Variants in TTC39B observed in about 807,000 individuals in gnomAD.
TTC39B encodes tetratricopeptide repeat protein 39B.
TTC39B carries 92 observed loss-of-function variants against 96.6 expected under a neutral mutation model. That is an observed-to-expected ratio of 0.95 (90% CI 0.80 to 1.13). The LOEUF (loss-of-function observed/expected upper bound fraction) is 1.13. Among genes scored for constraint, TTC39B ranks in the 50% most tolerant of loss-of-function variants. TTC39B has a pLI of 0.00. For missense variants in TTC39B, 955 were observed against 809.3 expected, an observed-to-expected ratio of 1.18 and a Z score of -2.18; for synonymous variants, 367 against 299.4, an observed-to-expected ratio of 1.23 and a Z score of -2.33.
At chr9:15,299,500 C>G (rs1824500455) in intron 1 of TTC39B, among the ~76,000 whole-genome samples, 1 of 152,064 alleles carries the variant, frequency 6.6e-6, no homozygotes. Context: ...CTTGGTGCAT[C>G]AGGAGGCAGC....
intron 8 of TTC39B, among the ~76,000 whole-genome samples, chr9:15,199,633 G>A (rs1482903544): frequency 6.8e-6 from 1 of 147,282 alleles, no homozygotes; most frequent in Non-Finnish European, 1.5e-5. Flanking sequence ...TACTCGGGAG[G>A]ATGAGGCAGG....
chr9:15,238,312 A>C (rs1027513757), intron 2 of TTC39B, among the ~76,000 whole-genome samples: 6 of 152,184 alleles, frequency 3.9e-5, no homozygotes, highest in Admixed American at 1.3e-4. Flanking sequence ...GGAAAAAAGG[A>C]AGTCAAATTA....
At chr9:15,239,350 A>C (rs1329271749) in intron 2 of TTC39B, among the ~76,000 whole-genome samples, 1 of 152,248 alleles carries the variant, frequency 6.6e-6, no homozygotes, top group African/African-American at 2.4e-5. Flanking sequence ...TATGGAAAAC[A>C]GTATGAAGAT....
chr9:15,191,390 T>G (rs1818849178), intron 9 of TTC39B, 135 bp from the exon 10 acceptor site: 1 of 608,618 alleles, frequency 1.6e-6, no homozygotes, highest in Non-Finnish European at 2.9e-6. Context: ...CAGATATTTC[T>G]GTTACCACAT....
At position 15,214,260 on chromosome 9, in the gene TTC39B, A is replaced by C; in HGVS notation, c.372-11T>G. ...TTGGTTGATGATGAACTAAAGATCAAGAAAAAAGCACAGAGAATTTCTATA... is the reference window on the plus strand; with the variant it reads ...TTGGTTGATGATGAACTAAAGATCACGAAAAAAGCACAGAGAATTTCTATA... On this transcript the variant is annotated splice_polypyrimidine_tract_variant and intron_variant, in intron 3 of 19. Coordinates refer to ENST00000512701, the Ensembl canonical transcript of TTC39B. 1 of 1,603,642 alleles carries C rather than the reference A, an allele frequency of 6.2e-7. No individual in the cohort carries two copies.
At chr9:15,238,417 C>T (rs190033590) in intron 2 of TTC39B, among the ~76,000 whole-genome samples, 19 of 152,274 alleles carry the variant, frequency 1.2e-4, no homozygotes, top group Admixed American at 1.0e-3. Flanking sequence ...CAAAAGACTC[C>T]TAGATTTGAT....
chr9:15,186,891 T>G, intron 15 of TTC39B, 53 bp downstream of exon 15: 4 of 1,511,514 alleles, frequency 2.6e-6, no homozygotes, highest in Non-Finnish European at 3.7e-6. Context: ...GAGATGAGAT[T>G]TTGCCCCTTT....
chr9:15,193,095 A>G (rs980095481), intron 8 of TTC39B, among the ~76,000 whole-genome samples: 1 of 152,216 alleles, frequency 6.6e-6, no homozygotes, highest in African/African-American at 2.4e-5. Context: ...GCTACTGGCA[A>G]GAAGATCTGA....
chr9:15,200,790 G>C (rs1023912776), intron 7 of TTC39B, among the ~76,000 whole-genome samples: 4 of 152,204 alleles, frequency 2.6e-5, no homozygotes, highest in African/African-American at 7.2e-5. Flanking sequence ...CACCAGGTTA[G>C]GAGATCAAGG....
chr9:15,213,551 A>T (rs989425454), intron 4 of TTC39B, among the ~76,000 whole-genome samples: 4 of 152,210 alleles, frequency 2.6e-5, no homozygotes, highest in Admixed American at 2.6e-4. Context: ...GGAAATTATC[A>T]TATGAGGTCT....
intron 1 of TTC39B, among the ~76,000 whole-genome samples, chr9:15,269,707 T>C (rs112381107): frequency 0.091 from 13,195 of 145,686 alleles, 813 homozygotes; most frequent in African/African-American, 0.18. Flanking sequence ...ACAAAAAAAT[T>C]AGCTGGGCGT....
intron 2 of TTC39B, among the ~76,000 whole-genome samples, chr9:15,236,672 C>G (rs1821795494): frequency 6.6e-6 from 1 of 152,148 alleles, no homozygotes; most frequent in Admixed American, 6.5e-5. Context: ...AAGAAGAACT[C>G]TCAAAACTAT....
At chr9:15,192,614 C>G in exon 9 of TTC39B, 2 of 1,614,044 alleles carry the variant, frequency 1.2e-6, no homozygotes, top group Non-Finnish European at 1.7e-6. Flanking sequence ...CACTGCCAAG[C>G]TTGACACCCC....
chr9:15,238,609 C>T (rs1314237678), intron 2 of TTC39B, among the ~76,000 whole-genome samples: 1 of 152,182 alleles, frequency 6.6e-6, no homozygotes, highest in Non-Finnish European at 1.5e-5. Flanking sequence ...AACAACAAAA[C>T]ACTGATGAAA....
At chr9:15,239,628 G>C (rs1586941179) in intron 2 of TTC39B, among the ~76,000 whole-genome samples, 1 of 152,212 alleles carries the variant, frequency 6.6e-6, no homozygotes, top group East Asian at 1.9e-4. Flanking sequence ...TGAATGGCTA[G>C]AAGCCATTAT....
intron 6 of TTC39B, among the ~76,000 whole-genome samples, chr9:15,206,548 G>C (rs1297605082): frequency 6.6e-6 from 1 of 152,100 alleles, no homozygotes; most frequent in Non-Finnish European, 1.5e-5. Flanking sequence ...TTAGCCATTA[G>C]GCACTTATGA....
chr9:15,275,797 A>T (rs1823521277), intron 1 of TTC39B, among the ~76,000 whole-genome samples: 1 of 152,208 alleles, frequency 6.6e-6, no homozygotes, highest in Non-Finnish European at 1.5e-5. Context: ...GCTCACTATT[A>T]TGGATTAAAG....
intron 6 of TTC39B, among the ~76,000 whole-genome samples, chr9:15,207,482 G>A (rs1014816440): frequency 6.6e-6 from 1 of 151,956 alleles, no homozygotes; most frequent in Admixed American, 6.6e-5. Flanking sequence ...TTCTCTACTT[G>A]CCTATAGGAG....
chr9:15,212,034 T>G (rs1054440648), intron 4 of TTC39B, among the ~76,000 whole-genome samples: 6 of 152,234 alleles, frequency 3.9e-5, no homozygotes, highest in Non-Finnish European at 8.8e-5. Context: ...CTAGTCCTAA[T>G]AGATGGCAGA....
Sources: gnomAD v4.1 joint callset for allele counts (sites outside exome capture counted in the v4.1 genomes callset) on GRCh38, gnomAD v4.1.1 for gene constraint, MANE v1.5 for transcripts, NCBI Gene and HGNC (gene_info 2026-07-23, HGNC 2026-07-21) for gene names.